CADM2: variants seen among roughly 807,000 people sequenced by gnomAD.
The protein encoded by CADM2 is immunoglobulin superfamily member 4D.
CADM2 carries 12 observed loss-of-function variants against 49.8 expected under a neutral mutation model. The ratio of observed to expected loss-of-function variants is 0.24; its 90% CI spans 0.15 to 0.39. The LOEUF (loss-of-function observed/expected upper bound fraction) is 0.39. Ranked by LOEUF, CADM2 falls within the 10% of genes least tolerant of loss-of-function variation. The pLI is 1.00. For synonymous variants in CADM2, 214 were observed against 175.4 expected, an observed-to-expected ratio of 1.22 and a Z score of -1.74; for missense variants, 378 against 492.3, an observed-to-expected ratio of 0.77 and a Z score of 2.20.
chr3:85,351,846 G>GT (rs1360636519), intron 1 of CADM2, among the ~76,000 whole-genome samples: 1 of 152,076 alleles, frequency 6.6e-6, no homozygotes, highest in Non-Finnish European at 1.5e-5. Context: ...CATAGAGAGA[G>GT]TTTTGCCTCA....
chr3:85,588,427 G>T (rs1480267305), intron 1 of CADM2, among the ~76,000 whole-genome samples: 1 of 151,998 alleles, frequency 6.6e-6, no homozygotes, highest in Admixed American at 6.6e-5. Context: ...CAAAAGGGAG[G>T]AATGCAAGCA....
At chr3:85,498,176 T>G (rs1411960875) in intron 1 of CADM2, among the ~76,000 whole-genome samples, 3 of 151,654 alleles carry the variant, frequency 2.0e-5, no homozygotes, top group African/African-American at 7.3e-5. Flanking sequence ...GCCAAGTTTT[T>G]TTTTTTTTTT....
chr3:85,348,204 T>G (rs1474012270), intron 1 of CADM2, among the ~76,000 whole-genome samples: 1 of 152,130 alleles, frequency 6.6e-6, no homozygotes. Flanking sequence ...ACTGCTGAAG[T>G]GTCAATATGA....
intron 1 of CADM2, among the ~76,000 whole-genome samples, chr3:85,247,500 G>C (rs976605134): frequency 2.0e-5 from 3 of 152,078 alleles, no homozygotes; most frequent in Non-Finnish European, 4.4e-5. Context: ...GGAATTATAA[G>C]ATATTGCAAA....
chr3:85,377,049 T>C (rs1315451283), intron 1 of CADM2, among the ~76,000 whole-genome samples: 4 of 152,092 alleles, frequency 2.6e-5, no homozygotes, highest in African/African-American at 9.7e-5. Context: ...TAGTTTACAT[T>C]AAATTTGCTC....
At chr3:85,526,062 A>T (rs189750098) in intron 1 of CADM2, among the ~76,000 whole-genome samples, 1 of 152,240 alleles carries the variant, frequency 6.6e-6, no homozygotes, top group Admixed American at 6.5e-5. Flanking sequence ...TGTTCTAAGA[A>T]CTGTAGCCAC....
chr3:85,642,256 G>A (rs1240651259), intron 1 of CADM2, among the ~76,000 whole-genome samples: 2 of 151,868 alleles, frequency 1.3e-5, no homozygotes, highest in Non-Finnish European at 2.9e-5. Context: ...ATAGATTATG[G>A]AATAAAACCA....
At position 85,141,895 on chromosome 3, in the gene CADM2, G is replaced by T. The variant is rs970755564; in HGVS notation, c.61+182227G>T. On this transcript the variant is annotated intron_variant, in intron 1 of 9. Coordinates refer to ENST00000383699, the MANE Select transcript of CADM2 (RefSeq NM_001167675.2). ...GATCTCAGTGACTTAACCCAATGGA[G>T]ATTTATTTGTTGCTCAAGCTAGATT... Among the ~76,000 whole-genome samples the T allele has an allele frequency of 1.4e-4, 21 of 152,268 alleles. No homozygotes were observed. In the South Asian group the frequency reaches 4.3e-3, roughly 32 times the overall value.
chr3:85,510,630 A>G (rs376862661), intron 1 of CADM2, among the ~76,000 whole-genome samples: 43 of 152,202 alleles, frequency 2.8e-4, no homozygotes, highest in African/African-American at 9.6e-4. Context: ...AAATAAACCA[A>G]TATACCTATG....
intron 3 of CADM2, among the ~76,000 whole-genome samples, chr3:85,836,918 G>C (rs2074434245): frequency 6.6e-6 from 1 of 151,552 alleles, no homozygotes; most frequent in African/African-American, 2.4e-5. Flanking sequence ...AGTTATTTCA[G>C]GTGGCTTCTA....
Position 85,961,852 on chromosome 3 carries a change from A to T in CADM2, c.970+205A>T, listed in dbSNP as rs557669574. Reference sequence around the variant, plus strand: ...CTGATAAAATTGTAACATACATAAAATTTTTTTTTGTAAAAAGCTTTCTCA... The same window carrying T: ...CTGATAAAATTGTAACATACATAAATTTTTTTTTTGTAAAAAGCTTTCTCA... On this transcript the variant is annotated intron_variant, in intron 8 of 9. Transcript: ENST00000383699. 3.8e-4 allele frequency among the ~76,000 whole-genome samples: 58 copies of T among 151,420 alleles called. No homozygotes were observed. In the South Asian group the frequency reaches 6.3e-3, roughly 16 times the overall value.
intron 1 of CADM2, among the ~76,000 whole-genome samples, chr3:85,389,616 CCTT>C (rs1179050103): frequency 1.3e-5 from 2 of 152,058 alleles, no homozygotes; most frequent in African/African-American, 4.8e-5. Flanking sequence ...CCACTCATGT[CCTT>C]CTTTTGCCGA....
At chr3:85,426,508 C>T (rs1315596382) in intron 1 of CADM2, among the ~76,000 whole-genome samples, 2 of 151,610 alleles carry the variant, frequency 1.3e-5, no homozygotes, top group African/African-American at 2.4e-5. Context: ...GTGGGTACAC[C>T]GTAGGTGTAT....
chr3:85,561,330 G>A (rs1358610903), intron 1 of CADM2, among the ~76,000 whole-genome samples: 1 of 152,034 alleles, frequency 6.6e-6, no homozygotes, highest in Non-Finnish European at 1.5e-5. Context: ...AGCAAATTAA[G>A]TTCAACGTCA....
chr3:85,499,472 G>A (rs1336496581), intron 1 of CADM2, among the ~76,000 whole-genome samples: 1 of 151,798 alleles, frequency 6.6e-6, no homozygotes, highest in African/African-American at 2.4e-5. Flanking sequence ...ACTGTTGTGT[G>A]TGTGTGACAA....
chr3:85,261,870 A>C (rs1365735039), intron 1 of CADM2, among the ~76,000 whole-genome samples: 2 of 152,256 alleles, frequency 1.3e-5, no homozygotes, highest in East Asian at 3.9e-4. Context: ...TGAGAAAATC[A>C]TGAAATCTGT....
chr3:85,457,573 G>C (rs529538773), intron 1 of CADM2, among the ~76,000 whole-genome samples: 74 of 152,018 alleles, frequency 4.9e-4, no homozygotes, highest in South Asian at 1.3e-3. Flanking sequence ...GCACAAAAAG[G>C]GCATCTAGTG....
intron 8 of CADM2, chr3:86,012,501 G>A: frequency 9.1e-7 from 1 of 1,100,652 alleles, no homozygotes; most frequent in Non-Finnish European, 1.2e-6. Flanking sequence ...CGGACCAGCG[G>A]GCGGACTGCC....
At chr3:85,007,736 T>C (rs1240182363) in intron 1 of CADM2, among the ~76,000 whole-genome samples, 1 of 152,120 alleles carries the variant, frequency 6.6e-6, no homozygotes, top group South Asian at 2.1e-4. Context: ...TGAATCATAG[T>C]TTGTGTGCCT....
Sources: gnomAD v4.1 joint callset for allele counts (sites outside exome capture counted in the v4.1 genomes callset) on GRCh38, gnomAD v4.1.1 for gene constraint, MANE v1.5 for transcripts, NCBI Gene and HGNC (gene_info 2026-07-23, HGNC 2026-07-21) for gene names.